Variants in CLSTN2 observed in about 807,000 individuals in gnomAD.
CLSTN2 encodes calsyntenin-2.
A neutral mutation model predicts 101.2 loss-of-function variants in CLSTN2; 48 were observed. That is an observed-to-expected ratio of 0.47 (90% CI 0.38 to 0.60). The LOEUF (loss-of-function observed/expected upper bound fraction) is 0.60. Among genes scored for constraint, CLSTN2 ranks in the 20% least tolerant of loss-of-function variants. The probability of loss-of-function intolerance (pLI) is 0.00; values close to 1 mark genes in which losing one functional copy is unlikely to be tolerated. For missense variants in CLSTN2, 1,160 were observed against 1,238.2 expected (o/e 0.94, Z 0.95); for synonymous variants, 481 against 463.6 (o/e 1.04, Z -0.48).
intron 1 of CLSTN2, among the ~76,000 whole-genome samples, chr3:140,000,969 G>A (rs956044724): frequency 2.0e-5 from 3 of 152,142 alleles, no homozygotes; most frequent in Non-Finnish European, 2.9e-5. Context: ...AAATGAAGGC[G>A]CTTGTTGGAC....
At chr3:140,300,473 C>CAG (rs1362399638) in intron 2 of CLSTN2, among the ~76,000 whole-genome samples, 1 of 152,146 alleles carries the variant, frequency 6.6e-6, no homozygotes, top group African/African-American at 2.4e-5. Flanking sequence ...AGCCCTGCCT[C>CAG]AGAGAGTTGG....
At chr3:140,171,706 T>C (rs1329004488) in intron 1 of CLSTN2, among the ~76,000 whole-genome samples, 2 of 114,060 alleles carry the variant, frequency 1.8e-5, no homozygotes, top group East Asian at 2.3e-4. Context: ...ATATATAATA[T>C]GTATTATGTA....
At chr3:140,149,373 G>T (rs1374131629) in intron 1 of CLSTN2, among the ~76,000 whole-genome samples, 1 of 152,216 alleles carries the variant, frequency 6.6e-6, no homozygotes, top group African/African-American at 2.4e-5. Context: ...TCACCTTGTA[G>T]ATAGAGATGG....
At chr3:140,463,003 A>G (rs2108018604) in intron 7 of CLSTN2, among the ~76,000 whole-genome samples, 1 of 152,328 alleles carries the variant, frequency 6.6e-6, no homozygotes, top group Middle Eastern at 3.4e-3. Flanking sequence ...TGAACCTAGG[A>G]GCATAGGAAA....
chr3:140,155,273 G>A (rs1259073336), intron 1 of CLSTN2, among the ~76,000 whole-genome samples: 1 of 152,166 alleles, frequency 6.6e-6, no homozygotes, highest in African/African-American at 2.4e-5. Flanking sequence ...GAAGTTCTAT[G>A]TTTTACTGTG....
intron 1 of CLSTN2, among the ~76,000 whole-genome samples, chr3:139,940,122 C>G (rs1482750143): frequency 6.6e-6 from 1 of 152,216 alleles, no homozygotes; most frequent in Non-Finnish European, 1.5e-5. Flanking sequence ...GTGCTAGAGG[C>G]TCATTCTGAC....
chr3:140,291,763 C>T (rs567256204), intron 2 of CLSTN2, among the ~76,000 whole-genome samples: 2 of 152,022 alleles, frequency 1.3e-5, no homozygotes, highest in East Asian at 3.9e-4. Flanking sequence ...CTCCTCACAC[C>T]TCAAATGATT....
intron 1 of CLSTN2, among the ~76,000 whole-genome samples, chr3:140,094,455 C>T (rs980761923): frequency 6.6e-6 from 1 of 152,114 alleles, no homozygotes; most frequent in Non-Finnish European, 1.5e-5. Context: ...CTTATATTTT[C>T]CTGGGGCTGG....
intron 1 of CLSTN2, among the ~76,000 whole-genome samples, chr3:140,070,540 A>G (rs986828488): frequency 6.6e-6 from 1 of 152,272 alleles, no homozygotes; most frequent in African/African-American, 2.4e-5. Flanking sequence ...AGAAAACTTC[A>G]AAATCTTACT....
At chr3:140,054,453 A>G (rs1310293228) in intron 1 of CLSTN2, among the ~76,000 whole-genome samples, 2 of 152,166 alleles carry the variant, frequency 1.3e-5, no homozygotes, top group African/African-American at 4.8e-5. Flanking sequence ...ATTTTGTAGC[A>G]TTGAAGGTAA....
At chr3:140,089,426 C>T (rs1056817686) in intron 1 of CLSTN2, among the ~76,000 whole-genome samples, 2 of 152,106 alleles carry the variant, frequency 1.3e-5, no homozygotes. Context: ...AACCCAGCTT[C>T]TCCAGCAGGG....
chr3:140,146,866 T>C (rs1170599044), intron 1 of CLSTN2, among the ~76,000 whole-genome samples: 5 of 152,210 alleles, frequency 3.3e-5, no homozygotes, highest in Non-Finnish European at 7.4e-5. Context: ...CACAGCCCTG[T>C]TTACAGGATA....
At chr3:140,037,499 T>C (rs2007676829) in intron 1 of CLSTN2, among the ~76,000 whole-genome samples, 1 of 152,126 alleles carries the variant, frequency 6.6e-6, no homozygotes, top group African/African-American at 2.4e-5. Flanking sequence ...TGATGTTATG[T>C]AGTTTTTTGT....
chr3:140,126,519 T>G (rs2009433732), intron 1 of CLSTN2, among the ~76,000 whole-genome samples: 2 of 152,046 alleles, frequency 1.3e-5, no homozygotes, highest in African/African-American at 4.8e-5. Context: ...GAAGGAACTA[T>G]CCAAAGCTGA....
chr3:140,233,152 A>T (rs1576476878), intron 2 of CLSTN2, among the ~76,000 whole-genome samples: 1 of 152,070 alleles, frequency 6.6e-6, no homozygotes, highest in African/African-American at 2.4e-5. Context: ...CCCTCTCCCC[A>T]GCACCCCACT....
chr3:140,239,267 A>C (rs577718248), intron 2 of CLSTN2, among the ~76,000 whole-genome samples: 1 of 152,160 alleles, frequency 6.6e-6, no homozygotes, highest in African/African-American at 2.4e-5. Flanking sequence ...TGCAGAATAG[A>C]TACACACATA....
chr3:140,464,806 G>A (rs890419536), intron 7 of CLSTN2, among the ~76,000 whole-genome samples: 3 of 152,272 alleles, frequency 2.0e-5, no homozygotes, highest in Middle Eastern at 3.4e-3. Flanking sequence ...AAGCAGTCCC[G>A]GGTGTTTTGC....
chr3:140,492,565 T>C (rs532027913), intron 8 of CLSTN2, among the ~76,000 whole-genome samples: 154 of 152,320 alleles, frequency 1.0e-3, no homozygotes, highest in African/African-American at 3.5e-3. Flanking sequence ...AAGGTGTCCC[T>C]TAACCTCTCA....
intron 2 of CLSTN2, among the ~76,000 whole-genome samples, chr3:140,311,776 C>T (rs1470336494): frequency 6.6e-6 from 1 of 152,054 alleles, no homozygotes; most frequent in African/African-American, 2.4e-5. Context: ...TTGCCCCAGT[C>T]CCACAGTAAG....
Sources: allele counts gnomAD v4.1 joint callset (sites outside exome capture counted in the v4.1 genomes callset), GRCh38; gene constraint gnomAD v4.1.1; transcripts MANE v1.5; gene names NCBI Gene and HGNC (gene_info 2026-07-23, HGNC 2026-07-21).